Variants in MAPK10 observed in about 807,000 individuals in gnomAD.
The protein encoded by MAPK10 is mitogen-activated protein kinase 10, also known as JNK3 alpha protein kinase.
MAPK10 carries 25 observed loss-of-function variants against 59.3 expected under a neutral mutation model. The observed-to-expected ratio is 0.42, with a 90% confidence interval of 0.31 to 0.59. The LOEUF is 0.59. MAPK10 is among the 20% of genes least tolerant of loss of function. The pLI is 0.15. For missense variants in MAPK10, 351 were observed against 568.9 expected (o/e 0.62, Z 3.90); for synonymous variants, 190 against 200.5 (o/e 0.95, Z 0.44).
intron 1 of MAPK10, among the ~76,000 whole-genome samples, chr4:86,548,357 C>T (rs1160451128): frequency 6.6e-6 from 1 of 152,134 alleles, no homozygotes; most frequent in Non-Finnish European, 1.5e-5. Flanking sequence ...GGACATGCCA[C>T]CTTTAAGAAC....
At chr4:86,344,940 T>G (rs1365759943) in intron 2 of MAPK10, among the ~76,000 whole-genome samples, 3 of 152,186 alleles carry the variant, frequency 2.0e-5, no homozygotes, top group African/African-American at 2.4e-5. Context: ...AGGATAATTT[T>G]GGGATAAAGA....
At chr4:86,565,223 A>G (rs1760977961) in intron 1 of MAPK10, among the ~76,000 whole-genome samples, 2 of 152,186 alleles carry the variant, frequency 1.3e-5, no homozygotes, top group Non-Finnish European at 2.9e-5. Flanking sequence ...ATATATTTTT[A>G]TTGCTGAAAT....
upstream of MAPK10, among the ~76,000 whole-genome samples, chr4:86,454,217 C>T (rs913208794): frequency 6.6e-6 from 1 of 152,080 alleles, no homozygotes; most frequent in Admixed American, 6.5e-5. Flanking sequence ...CTTTAACATC[C>T]CCCCAAAATC....
chr4:86,358,374 C>T, intron 1 of MAPK10: 2 of 985,406 alleles, frequency 2.0e-6, no homozygotes, highest in Non-Finnish European at 2.4e-6. Context: ...GGTGCACTTA[C>T]ACTCGTTTTC....
chr4:86,422,823 A>G (rs751808015), intron 1 of MAPK10, among the ~76,000 whole-genome samples: 6 of 152,228 alleles, frequency 3.9e-5, no homozygotes, highest in Non-Finnish European at 7.3e-5. Context: ...GCCTGTTAAG[A>G]TAACGAAAAG....
At chr4:86,482,636 G>A (rs1753694820) in intron 1 of MAPK10, among the ~76,000 whole-genome samples, 2 of 152,114 alleles carry the variant, frequency 1.3e-5, no homozygotes, top group African/African-American at 4.8e-5. Context: ...ACAAAAATGA[G>A]CAGAAGCATC....
intron 1 of MAPK10, among the ~76,000 whole-genome samples, chr4:86,406,531 ATCAG>A (rs2093679478): frequency 1.3e-5 from 2 of 152,330 alleles, no homozygotes; most frequent in African/African-American, 2.4e-5. Flanking sequence ...ATTAGTGGGA[ATCAG>A]TCAGATGGGA....
chr4:86,479,474 C>CAA (rs35632643), intron 1 of MAPK10, among the ~76,000 whole-genome samples: 32,458 of 138,138 alleles, frequency 0.23, 4,521 homozygotes, highest in Admixed American at 0.31. Flanking sequence ...CACCCCCCAC[C>CAA]AAAAAAAAAA....
intron 3 of MAPK10, among the ~76,000 whole-genome samples, chr4:86,190,193 C>T (rs1017679464): frequency 3.3e-5 from 5 of 151,924 alleles, no homozygotes; most frequent in African/African-American, 1.2e-4. Flanking sequence ...ATCAGGGATA[C>T]TGCCCTGAAA....
intron 2 of MAPK10, among the ~76,000 whole-genome samples, chr4:86,242,457 C>T (rs968363198): frequency 6.6e-6 from 1 of 152,174 alleles, no homozygotes; most frequent in African/African-American, 2.4e-5. Flanking sequence ...GAAGGAGAGG[C>T]TAAGTCTGCT....
intron 1 of MAPK10, among the ~76,000 whole-genome samples, chr4:86,384,461 TC>T (rs1191215563): frequency 1.3e-5 from 2 of 151,968 alleles, no homozygotes; most frequent in African/African-American, 4.8e-5. Context: ...TGGTAAGGAC[TC>T]CCCCGAACTT....
chr4:86,145,955 G>C (rs73837426), intron 4 of MAPK10, among the ~76,000 whole-genome samples: 2 of 152,098 alleles, frequency 1.3e-5, no homozygotes, highest in African/African-American at 4.8e-5. Context: ...TCACAGAAAA[G>C]GAGTCCGTCT....
chr4:86,566,103 C>T (rs1361873704), intron 1 of MAPK10, among the ~76,000 whole-genome samples: 1 of 152,196 alleles, frequency 6.6e-6, no homozygotes, highest in Non-Finnish European at 1.5e-5. Flanking sequence ...GGAACATCCT[C>T]TTCCCTGCAC....
intron 1 of MAPK10, among the ~76,000 whole-genome samples, chr4:86,554,499 T>TA (rs1289463398): frequency 1.3e-5 from 2 of 152,146 alleles, no homozygotes; most frequent in Admixed American, 1.3e-4. Flanking sequence ...GTTTCCCAAG[T>TA]AAAAAATTCA....
At chr4:86,137,577 A>G (rs1315418388) in intron 4 of MAPK10, among the ~76,000 whole-genome samples, 3 of 132,132 alleles carry the variant, frequency 2.3e-5, no homozygotes, top group African/African-American at 6.7e-5. Context: ...CCACAAGAGA[A>G]AGCAGGAAAG....
chr4:86,587,595 G>C (rs1453683248), intron 1 of MAPK10, among the ~76,000 whole-genome samples: 1 of 152,152 alleles, frequency 6.6e-6, no homozygotes, highest in African/African-American at 2.4e-5. Context: ...CTCTTACTCT[G>C]TAAGCAAGAA....
At chr4:86,477,821 C>G (rs994755949) in intron 1 of MAPK10, among the ~76,000 whole-genome samples, 10 of 152,222 alleles carry the variant, frequency 6.6e-5, no homozygotes, top group South Asian at 2.1e-4. Context: ...ACCCATTATT[C>G]TGTTCTGGAT....
At chr4:86,481,193 G>C (rs1159555524) in intron 1 of MAPK10, among the ~76,000 whole-genome samples, 1 of 152,132 alleles carries the variant, frequency 6.6e-6, no homozygotes, top group Non-Finnish European at 1.5e-5. Flanking sequence ...AGAAGTTCTG[G>C]TTTCTATGGC....
chr4:86,180,505 AAG>A (rs1478436262), intron 3 of MAPK10, among the ~76,000 whole-genome samples: 9 of 74,578 alleles, frequency 1.2e-4, no homozygotes, highest in East Asian at 1.2e-3. Flanking sequence ...AAAAAAAAAG[AAG>A]AAGAAAAAAG....
Sources: allele counts gnomAD v4.1 joint callset (sites outside exome capture counted in the v4.1 genomes callset), GRCh38; gene constraint gnomAD v4.1.1; transcripts MANE v1.5; gene names NCBI Gene and HGNC (gene_info 2026-07-23, HGNC 2026-07-21).